The following TEX2 variants were observed in gnomAD, a reference collection of about 807,000 sequenced individuals.
TEX2 encodes the protein testis-expressed protein 2.
Under a neutral mutation model 106.9 loss-of-function variants are expected in TEX2, and 53 were observed. The ratio of observed to expected loss-of-function variants is 0.50; its 90% CI spans 0.40 to 0.62. TEX2 has a LOEUF of 0.62. TEX2 is among the 20% of genes least tolerant of loss of function. TEX2 has a pLI of 0.00. For missense variants in TEX2, 1,207 were observed against 1,379.0 expected, an observed-to-expected ratio of 0.88 and a Z score of 1.98; for synonymous variants, 523 against 534.8, an observed-to-expected ratio of 0.98 and a Z score of 0.30.
chr17:64,202,451 G>C (rs17562856), intron 2 of TEX2, among the ~76,000 whole-genome samples: 1 of 152,066 alleles, frequency 6.6e-6, no homozygotes, highest in South Asian at 2.1e-4. Context: ...GCAATTTCCC[G>C]GTGCAAACCT....
chr17:64,167,901 G>A (rs1289719568), intron 7 of TEX2, among the ~76,000 whole-genome samples: 1 of 152,176 alleles, frequency 6.6e-6, no homozygotes, highest in African/African-American at 2.4e-5. Context: ...CTGTGGACCA[G>A]GTAGTCGGGT....
At chr17:64,254,019 A>C (rs1555637352) in intron 1 of TEX2, among the ~76,000 whole-genome samples, 1 of 152,182 alleles carries the variant, frequency 6.6e-6, no homozygotes, top group Non-Finnish European at 1.5e-5. Context: ...CCCTCCTGGC[A>C]GCAAACACAA....
At chr17:64,231,449 C>CT (rs1555634587) in intron 1 of TEX2, among the ~76,000 whole-genome samples, 2 of 152,210 alleles carry the variant, frequency 1.3e-5, no homozygotes, top group Non-Finnish European at 2.9e-5. Flanking sequence ...AAAGGAGAGA[C>CT]TGAATGCAGG....
At chr17:64,160,699 C>CTGTGT (rs2030841873) in intron 8 of TEX2, 102 bp downstream of exon 8, 6 of 1,417,180 alleles carry the variant, frequency 4.2e-6, no homozygotes, top group Non-Finnish European at 5.8e-6. Flanking sequence ...GAAGCTCACT[C>CTGTGT]AACATCCAGG....
At chr17:64,239,731 C>T (rs2143391131) in intron 1 of TEX2, among the ~76,000 whole-genome samples, 1 of 151,870 alleles carries the variant, frequency 6.6e-6, no homozygotes, top group African/African-American at 2.4e-5. Flanking sequence ...CAAAAATTAG[C>T]CAGGTGTGGT....
chr17:64,150,650 A>G (rs920411909), intron 11 of TEX2, 191 bp downstream of exon 11: 6 of 483,788 alleles, frequency 1.2e-5, no homozygotes, highest in African/African-American at 2.0e-5. Flanking sequence ...TGTTCTGTGG[A>G]TAAGTTTCAG....
At chr17:64,209,785 G>T (rs1555631245) in intron 2 of TEX2, among the ~76,000 whole-genome samples, 1 of 152,196 alleles carries the variant, frequency 6.6e-6, no homozygotes. Flanking sequence ...AGGATTGAAT[G>T]AGATAATACA....
At chr17:64,248,653 TTCCTGCTTGTCTG>T (rs1482354430) in intron 1 of TEX2, among the ~76,000 whole-genome samples, 6 of 152,310 alleles carry the variant, frequency 3.9e-5, no homozygotes, top group Non-Finnish European at 5.9e-5. Flanking sequence ...GATGGTAGGC[TTCCTGCTTGTCTG>T]TCAGGGACCC....
chr17:64,214,022 C>A lies in TEX2; in HGVS notation c.196G>T (p.Val66Leu), dbSNP rs2033111429. Residue 66 changes from valine to leucine, a missense_variant, in exon 2 of 12, where the codon GTA (valine) becomes TTA (leucine). Physicochemically the swap from Val to Leu is conservative, Grantham distance 32. This residue lies in a region of TEX2 where 1,067 missense variants were observed against 1,193.6 expected (regional missense o/e 0.89). Transcript: ENST00000584379. Reference protein sequence around the residue: ...FEEGLDDQSIVTGLEAKEDLY... With the variant: ...FEEGLDDQSILTGLEAKEDLY... The stretch of plus-strand genomic sequence containing the variant: ...TCTTCCTTGGCTTCCAGCCCTGTTA[C>A]AATGCTTTGGTCATCCAGCCCCTCC... 6.2e-7 allele frequency: 1 copy of A among 1,614,222 alleles called. No individual in the cohort carries two copies. Among genetic ancestry groups the A allele is most frequent in the South Asian group, 1.1e-5 (1 of 91,090 alleles).
At chr17:64,170,498 G>A (rs2031333851) in intron 7 of TEX2, among the ~76,000 whole-genome samples, 1 of 152,150 alleles carries the variant, frequency 6.6e-6, no homozygotes, top group South Asian at 2.1e-4. Flanking sequence ...CCTGGCAAGG[G>A]CTGCAACCCC....
chr17:64,262,871 T>C (rs899481565), intron 1 of TEX2, among the ~76,000 whole-genome samples: 1 of 152,164 alleles, frequency 6.6e-6, no homozygotes, highest in Admixed American at 6.5e-5. Context: ...GGTGCCTCCC[T>C]GCCCGGGGCC....
rs745443258 is a variant in TEX2, at chr17:64,185,851, G to A, written c.2424+2317C>T. Among the ~76,000 whole-genome samples, 27 of 152,212 alleles carry A rather than the reference G, an allele frequency of 1.8e-4. No homozygotes were observed. Among genetic ancestry groups the A allele is most frequent in the Non-Finnish European group, 3.5e-4 (24 of 68,038 alleles). On this transcript the variant is annotated intron_variant, in intron 5 of 11. Transcript: ENST00000584379. This position sits in a 1 kb window ranked among gnomAD's most constrained non-coding sequence, Gnocchi z 4.0. ...GCAGAAGAATTGCTTGAACCTGGGA[G>A]GCGGAGATGGCAGTGAGCCAAGATC...
intron 1 of TEX2, among the ~76,000 whole-genome samples, chr17:64,249,315 T>C (rs1218354564): frequency 6.6e-6 from 1 of 152,162 alleles, no homozygotes; most frequent in African/African-American, 2.4e-5. Context: ...GGTGAGAGGC[T>C]AGGACACTCC....
At chr17:64,207,836 C>T (rs561272190) in intron 2 of TEX2, among the ~76,000 whole-genome samples, 6 of 151,946 alleles carry the variant, frequency 3.9e-5, no homozygotes, top group Admixed American at 6.6e-5. Context: ...CCCGGGTTCA[C>T]GCCATTCTCC....
chr17:64,189,188 C>T (rs1033112175), intron 4 of TEX2, among the ~76,000 whole-genome samples: 1 of 152,204 alleles, frequency 6.6e-6, no homozygotes, highest in Non-Finnish European at 1.5e-5. Context: ...AATCCCTGCC[C>T]TTGAACTCAC....
intron 2 of TEX2, among the ~76,000 whole-genome samples, chr17:64,210,083 A>C (rs564866985): frequency 6.6e-6 from 1 of 152,232 alleles, no homozygotes; most frequent in Non-Finnish European, 1.5e-5. Context: ...ACAGTCAGTC[A>C]TTAGGTACTA....
intron 2 of TEX2, among the ~76,000 whole-genome samples, chr17:64,210,087 G>C (rs1020615121): frequency 2.0e-5 from 3 of 152,206 alleles, no homozygotes; most frequent in African/African-American, 2.4e-5. Context: ...TCAGTCATTA[G>C]GTACTAGAGT....
intron 5 of TEX2, among the ~76,000 whole-genome samples, chr17:64,187,270 G>A (rs1219103315): frequency 6.6e-6 from 1 of 152,170 alleles, no homozygotes; most frequent in African/African-American, 2.4e-5. Context: ...GGGCATAGCC[G>A]AGGAGACTGA....
At chr17:64,243,602 G>C (rs1555635977) in intron 1 of TEX2, among the ~76,000 whole-genome samples, 1 of 152,080 alleles carries the variant, frequency 6.6e-6, no homozygotes, top group East Asian at 1.9e-4. Flanking sequence ...CCAGCTGAAC[G>C]CTTTAACACT....
Sources: gnomAD v4.1 joint callset for allele counts (sites outside exome capture counted in the v4.1 genomes callset) on GRCh38, gnomAD v4.1.1 for gene constraint, gnomAD v4.1.1 regional missense constraint, Gnocchi (gnomAD v3.1) non-coding constraint, MANE v1.5 for transcripts, NCBI Gene and HGNC (gene_info 2026-07-23, HGNC 2026-07-21) for gene names.